Variants in CA5A observed in about 807,000 individuals in gnomAD.
The protein encoded by CA5A is carbonic anhydrase 5A, mitochondrial.
In CA5A, 28 loss-of-function variants were observed where a neutral mutation model predicts 37.1. The ratio of observed to expected loss-of-function variants is 0.75; its 90% CI spans 0.56 to 1.03. The LOEUF (loss-of-function observed/expected upper bound fraction) is 1.03. Ranked by LOEUF, CA5A falls within the 50% of genes least tolerant of loss-of-function variation. The pLI, the probability that CA5A is intolerant of heterozygous loss-of-function variation, is 0.00. For synonymous variants in CA5A, 171 were observed against 158.4 expected, an observed-to-expected ratio of 1.08 and a Z score of -0.60; for missense variants, 444 against 399.9, an observed-to-expected ratio of 1.11 and a Z score of -0.94.
At chr16:87,904,043 T>C (rs558602437) in intron 3 of CA5A, among the ~76,000 whole-genome samples, 1 of 152,156 alleles carries the variant, frequency 6.6e-6, no homozygotes, top group African/African-American at 2.4e-5. Context: ...AAAATAAGAC[T>C]GCTTTAAGAT....
At position 87,904,829 on chromosome 16, in the gene CA5A, C is replaced by G. The variant is rs2055935336; in HGVS notation, c.416G>C (p.Gly139Ala). 6 of 1,613,322 alleles carry G rather than the reference C, an allele frequency of 3.7e-6. No individual in the cohort carries two copies. Among genetic ancestry groups the G allele is most frequent in the Non-Finnish European group, 3.4e-6 (4 of 1,179,402 alleles). ...GCCGTCCACTGTGTGCTCTGAGCCCCCCTCGTTCACTGCTCCCCAGTGGAA... is the reference window on the plus strand; with the variant it reads ...GCCGTCCACTGTGTGCTCTGAGCCCGCCTCGTTCACTGCTCCCCAGTGGAA... ...FHFHWGAVNE[G>A]GSEHTVDGHA... Residue 139 changes from glycine (G) to alanine (A), a missense_variant, in exon 3 of 7, where the codon GGG (glycine) becomes GCG (alanine). Transcript: ENST00000649794.
chr16:87,894,575 A>T (rs1334585120), intron 5 of CA5A, among the ~76,000 whole-genome samples: 2 of 93,082 alleles, frequency 2.1e-5, no homozygotes, highest in African/African-American at 8.4e-5. Flanking sequence ...CAGTTAATTA[A>T]AAAAAAAAAA....
intron 1 of CA5A, among the ~76,000 whole-genome samples, chr16:87,931,673 T>C (rs548622838): frequency 2.6e-5 from 4 of 152,210 alleles, no homozygotes; most frequent in Admixed American, 1.3e-4. Context: ...AGGATGCATT[T>C]CCCTGCCCCT....
rs1214791573 is a variant in CA5A, at chr16:87,897,796, G to C, written c.618+4116C>G. 3.3e-5 allele frequency among the ~76,000 whole-genome samples: 5 copies of C among 152,202 alleles called. No homozygotes were observed. In the East Asian group the frequency reaches 9.6e-4, roughly 29 times the overall value. On this transcript the variant is annotated intron_variant, in intron 5 of 6. Coordinates refer to ENST00000649794, the MANE Select transcript of CA5A (RefSeq NM_001739.2). ...CCTCTCTGAGCTTTGGTTTTCCTGTGTGTGCAAGACAGATGAATCACAGGC... is the reference window on the plus strand; with the variant it reads ...CCTCTCTGAGCTTTGGTTTTCCTGTCTGTGCAAGACAGATGAATCACAGGC...
At chr16:87,899,674 A>C (rs1413629711) in intron 5 of CA5A, among the ~76,000 whole-genome samples, 14 of 149,290 alleles carry the variant, frequency 9.4e-5, no homozygotes, top group South Asian at 2.2e-4. Flanking sequence ...AATCCCAGCA[A>C]TTTGGGAGGC....
intron 6 of CA5A, 88 bp from the exon 7 acceptor site, chr16:87,888,360 C>T: frequency 2.5e-6 from 3 of 1,187,266 alleles, no homozygotes; most frequent in Non-Finnish European, 3.6e-6. Flanking sequence ...GTGGTCCCCT[C>T]CCATGCTGAA....
chr16:87,921,220 G>C (rs1189821656), intron 2 of CA5A, among the ~76,000 whole-genome samples: 2 of 152,276 alleles, frequency 1.3e-5, no homozygotes, highest in East Asian at 3.9e-4. Flanking sequence ...TGACCACCGC[G>C]CCTGGCCACT....
intron 5 of CA5A, among the ~76,000 whole-genome samples, chr16:87,901,097 G>A (rs1162727708): frequency 1.3e-5 from 2 of 152,156 alleles, no homozygotes; most frequent in Non-Finnish European, 2.9e-5. Context: ...GGGTATGGTG[G>A]CGCACACCTA....
At chr16:87,929,088 C>T (rs867534359) in intron 1 of CA5A, among the ~76,000 whole-genome samples, 1 of 146,700 alleles carries the variant, frequency 6.8e-6, no homozygotes, top group South Asian at 2.3e-4. Context: ...TTTCTTCTTA[C>T]AAATTCCTAA....
intron 1 of CA5A, 144 bp downstream of exon 1, chr16:87,936,165 C>A: frequency 1.7e-6 from 1 of 590,122 alleles, no homozygotes; most frequent in South Asian, 2.0e-5. Context: ...GAGCGAGACG[C>A]CATCTTAAAA....
intron 2 of CA5A, among the ~76,000 whole-genome samples, chr16:87,909,237 G>A (rs946591822): frequency 1.3e-5 from 2 of 152,118 alleles, no homozygotes; most frequent in Non-Finnish European, 2.9e-5. Flanking sequence ...CCTCCTGAGG[G>A]GAACCATGGG....
chr16:87,918,333 G>A (rs1347082274), intron 2 of CA5A, among the ~76,000 whole-genome samples: 1 of 152,158 alleles, frequency 6.6e-6, no homozygotes, highest in African/African-American at 2.4e-5. Flanking sequence ...GCAGCGCGTG[G>A]ATCTGGCTGC....
intron 1 of CA5A, among the ~76,000 whole-genome samples, chr16:87,927,527 C>G (rs2056329334): frequency 6.6e-6 from 1 of 152,154 alleles, no homozygotes; most frequent in African/African-American, 2.4e-5. Context: ...TCATTTCAAA[C>G]TGCTTTGATT....
intron 2 of CA5A, among the ~76,000 whole-genome samples, chr16:87,906,581 C>T (rs1163454987): frequency 6.6e-6 from 1 of 151,926 alleles, no homozygotes; most frequent in South Asian, 2.1e-4. Flanking sequence ...GAGCTGAGAA[C>T]GTGCCACTGT....
At chr16:87,926,674 C>T in intron 2 of CA5A, 74 bp downstream of exon 2, 2 of 1,199,238 alleles carry the variant, frequency 1.7e-6, no homozygotes, top group East Asian at 2.3e-5. Context: ...CCTCCCCCTT[C>T]TCCGCGAAGC....
At position 87,902,483 on chromosome 16, in the gene CA5A, T is replaced by A; in HGVS notation, c.497A>T (p.Asn166Ile). Reference sequence around the variant, plus strand: ...CTCTCCCACGACAGCTTCCTTGTAATTTTGGTATTTCACAGAATTCCAGTG... The same window carrying A: ...CTCTCCCACGACAGCTTCCTTGTAAATTTGGTATTTCACAGAATTCCAGTG... ...LVHWNSVKYQ[N>I]YKEAVVGENG... The change falls in exon 4 of 7, where the codon AAT (asparagine) becomes ATT (isoleucine). Residue 166 changes from asparagine (N) to isoleucine (I), a missense_variant. Coordinates refer to ENST00000649794, the MANE Select transcript of CA5A (RefSeq NM_001739.2). 6.2e-7 allele frequency: 1 copy of A among 1,611,624 alleles called. No individual in the cohort carries two copies. The highest frequency in any genetic ancestry group is 8.5e-7 in the Non-Finnish European group (1 of 1,177,692).
downstream of CA5A, chr16:87,884,466 C>G (rs1244936247): frequency 1.3e-5 from 2 of 151,520 alleles, no homozygotes; most frequent in East Asian, 1.9e-4. Flanking sequence ...AATTGGGAGG[C>G]TGAGGCAGGA....
At chr16:87,889,005 T>C (rs6540095) in intron 6 of CA5A, among the ~76,000 whole-genome samples, 34,385 of 151,262 alleles carry the variant, frequency 0.23, 4,303 homozygotes, top group African/African-American at 0.32. Flanking sequence ...CCGCAACTTC[T>C]GCCTCCTGGG....
intron 1 of CA5A, among the ~76,000 whole-genome samples, chr16:87,928,756 CTTTGTTTT>C (rs2056352084): frequency 4.6e-5 from 5 of 108,148 alleles, no homozygotes; most frequent in Admixed American, 9.7e-5. Context: ...ATTTTCTTTT[CTTTGTTTT>C]TTTTTTTTTT....
Sources: gnomAD v4.1 joint callset for allele counts (sites outside exome capture counted in the v4.1 genomes callset) on GRCh38, gnomAD v4.1.1 for gene constraint, MANE v1.5 for transcripts, NCBI Gene and HGNC (gene_info 2026-07-23, HGNC 2026-07-21) for gene names.